The following LAMB3 variants were observed in gnomAD, a reference collection of about 807,000 sequenced individuals.
LAMB3 encodes the protein laminin subunit beta 3.
In LAMB3, 104 loss-of-function variants were observed where a neutral mutation model predicts 140.3. The observed-to-expected ratio is 0.74, with a 90% CI of 0.63 to 0.87. LAMB3 has a LOEUF of 0.87. LAMB3 is among the 40% of genes least tolerant of loss of function. The probability of loss-of-function intolerance (pLI) is 0.00; values close to 1 mark genes in which losing one functional copy is unlikely to be tolerated. For synonymous variants in LAMB3, 592 were observed against 602.9 expected (o/e 0.98, Z 0.26); for missense variants, 1,531 against 1,575.2 (o/e 0.97, Z 0.47).
At chr1:209,647,244 G>A (rs2076526187) in intron 3 of LAMB3, among the ~76,000 whole-genome samples, 1 of 152,248 alleles carries the variant, frequency 6.6e-6, no homozygotes. Context: ...AGAATTGGGT[G>A]GAGGAGGTAA....
At chr1:209,636,416 T>G (rs1433954221) in intron 5 of LAMB3, among the ~76,000 whole-genome samples, 2 of 152,142 alleles carry the variant, frequency 1.3e-5, no homozygotes, top group Admixed American at 6.5e-5. Flanking sequence ...TGGTTGAGAC[T>G]CAGTAAACCA....
chr1:209,650,823 G>A, intron 2 of LAMB3, 94 bp downstream of exon 2: 1 of 1,177,624 alleles, frequency 8.5e-7, no homozygotes. Context: ...CAGGTGACAG[G>A]TGATGCCCAC....
At chr1:209,630,077 A>G in intron 9 of LAMB3, 152 bp from the exon 10 acceptor site, 2 of 739,740 alleles carry the variant, frequency 2.7e-6, no homozygotes, top group Non-Finnish European at 4.7e-6. Context: ...GGTTTGTATA[A>G]CTTATTTAAG....
chr1:209,623,674 T>A lies in LAMB3; in HGVS notation c.2189A>T (p.Gln730Leu), dbSNP rs1214804457. ...TAYEQSAQAA[Q>L]QVSDSSRLLD... ...AAGGCGCGAGCTGTCGGAGACCTGCTGAGCAGCCTGGGCTGACTGCTCGTA... is the reference window on the plus strand; with the variant it reads ...AAGGCGCGAGCTGTCGGAGACCTGCAGAGCAGCCTGGGCTGACTGCTCGTA... Residue 730 changes from glutamine (Q) to leucine (L), a missense_variant, in exon 16 of 23, where the codon CAG (glutamine) becomes CTG (leucine). Gln to Leu is a moderately radical substitution (Grantham distance 113, BLOSUM62 -2). Transcript: ENST00000356082. This position sits in a 1 kb window ranked among gnomAD's most constrained non-coding sequence, Gnocchi z 4.2. The A allele has an allele frequency of 6.2e-7, 1 of 1,614,184 alleles. No homozygotes were observed. The highest frequency in any genetic ancestry group is 8.5e-7 in the Non-Finnish European group (1 of 1,180,026).
intron 8 of LAMB3, 28 bp downstream of exon 8, chr1:209,632,555 C>G (rs755231461): frequency 6.2e-7 from 1 of 1,602,872 alleles, no homozygotes; most frequent in South Asian, 1.1e-5. Context: ...TGCCCCCTTC[C>G]TCTCCCCTTC....
chr1:209,618,386 C>T (rs576076380), intron 19 of LAMB3, 66 bp downstream of exon 19: 134 of 1,505,782 alleles, frequency 8.9e-5, no homozygotes, highest in Middle Eastern at 6.8e-4. Context: ...CTCCCAGCAA[C>T]GGGGTTGAGG....
chr1:209,632,669 G>C lies in LAMB3; in HGVS notation c.736C>G (p.Leu246Val). Reference sequence around the variant, plus strand: ...CCGTGACAGAAGCAGCTCCCCTGCAGACGGAGCTGGGACACAGCATAGTAG... The same window carrying C: ...CCGTGACAGAAGCAGCTCCCCTGCACACGGAGCTGGGACACAGCATAGTAG... ...SAYYAVSQLR[L>V]QGSCFCHGHA... is the part of the protein sequence containing the mutation. The change falls in exon 8 of 23, where the codon CTG becomes GTG. Residue 246 changes from leucine (L) to valine (V), a missense_variant. Physicochemically the swap from Leu to Val is conservative, Grantham distance 32 (BLOSUM62 1). Coordinates refer to ENST00000356082, the MANE Select transcript of LAMB3 (RefSeq NM_000228.3). 1.2e-6 allele frequency: 2 copies of C among 1,614,134 alleles called. No individual in the cohort carries two copies. Among genetic ancestry groups the C allele is most frequent in the Non-Finnish European group, 1.7e-6 (2 of 1,179,944 alleles).
intron 19 of LAMB3, 77 bp from the exon 20 acceptor site, chr1:209,618,125 C>T: frequency 6.4e-7 from 1 of 1,563,828 alleles, no homozygotes; most frequent in Non-Finnish European, 8.8e-7. Flanking sequence ...GACTCACACA[C>T]CAGTCCAAAA....
intron 3 of LAMB3, 50 bp downstream of exon 3, chr1:209,649,914 A>G: frequency 1.2e-6 from 2 of 1,602,290 alleles, no homozygotes; most frequent in Non-Finnish European, 1.7e-6. Context: ...ATGGCAGCTC[A>G]CACACCCCTC....
chr1:209,651,053 G>C (rs2076562674), intron 1 of LAMB3, 72 bp from the exon 2 acceptor site: 5 of 995,312 alleles, frequency 5.0e-6, no homozygotes, highest in Non-Finnish European at 8.1e-6. Flanking sequence ...TTTCTTTTCT[G>C]TTTCTAGACT....
Position 209,630,527 on chromosome 1 carries a change from C to T in LAMB3, c.943+88G>A, listed in dbSNP as rs762178531. 4 of 1,413,396 alleles carry T rather than the reference C, an allele frequency of 2.8e-6. No individual in the cohort carries two copies. The Admixed American group carries it at 7.0e-5, about 25-fold the overall frequency. The allele number at this position is 1,413,396 out of a possible 1,614,324, so 87.6% of individuals were successfully genotyped here. A position where few individuals can be genotyped will look rare whatever the true frequency, so the allele number is the denominator to read the frequency against. ...GATTTACATAAGAAAGACTGGATCCCCCTGCATCCCAGGTGAGATCATCAA... is the reference window on the plus strand; with the variant it reads ...GATTTACATAAGAAAGACTGGATCCTCCTGCATCCCAGGTGAGATCATCAA... On this transcript the variant is annotated intron_variant, in intron 9 of 22. Transcript: ENST00000356082.
chr1:209,633,173 A>C, intron 6 of LAMB3, 40 bp from the exon 7 acceptor site: 2 of 1,443,896 alleles, frequency 1.4e-6, no homozygotes, highest in Non-Finnish European at 2.0e-6. Flanking sequence ...AAGAAGAGAC[A>C]AATAGTGTGC....
rs532175937 is a variant in LAMB3, at chr1:209,648,005, TA to T, written c.183+1958del. ...AATTAAAACCTGAATTTCTAATTCTTATCATGCAGCCACCAGAGCACCCAGA... is the reference window on the plus strand; with the variant it reads ...AATTAAAACCTGAATTTCTAATTCTTTCATGCAGCCACCAGAGCACCCAGA... On this transcript the variant is annotated intron_variant, in intron 3 of 22. Transcript: ENST00000356082. Among the ~76,000 whole-genome samples, 620 of 152,340 alleles carry T rather than the reference TA, an allele frequency of 4.1e-3. 6 individuals carry two copies. Among genetic ancestry groups the T allele is most frequent in the African/African-American group, 0.014 (582 of 41,578 alleles).
chr1:209,628,054 G>A lies in LAMB3; in HGVS notation c.1269C>T (p.Ala423=). The change falls in exon 11 of 23, where the codon GCC becomes GCT. Residue 423 remains alanine (A), a synonymous_variant. Transcript: ENST00000356082. ...ACTCACGGTGGCAGCCCTGCGGGTTGGCGTAGGTGAGTCCAGTGAAGCCCG... is the reference window on the plus strand; with the variant it reads ...ACTCACGGTGGCAGCCCTGCGGGTTAGCGTAGGTGAGTCCAGTGAAGCCCG... ...CKPGFTGLTY[A]NPQGCHRCDC... is the part of the protein sequence containing the mutation. 6.2e-7 allele frequency: 1 copy of A among 1,606,508 alleles called. No homozygotes were observed. The highest frequency in any genetic ancestry group is 8.5e-7 in the Non-Finnish European group (1 of 1,176,358).
chr1:209,635,548 GCA>G (rs796326161), intron 5 of LAMB3, among the ~76,000 whole-genome samples: 9 of 152,154 alleles, frequency 5.9e-5, no homozygotes, highest in African/African-American at 2.2e-4. Context: ...AATTACAGGC[GCA>G]CACCACCATG....
intron 3 of LAMB3, among the ~76,000 whole-genome samples, chr1:209,638,855 C>T (rs1374355073): frequency 1.3e-5 from 2 of 152,028 alleles, no homozygotes; most frequent in Non-Finnish European, 2.9e-5. Flanking sequence ...TGGTGCCCCT[C>T]CTAACACATA....
Position 209,622,533 on chromosome 1 carries a change from C to T in LAMB3, c.2701+3G>A, listed in dbSNP as rs773199309. ...GCCAAGGTGGGGTGGAGACTGGGCT[C>T]ACCTGTTAGGAAGTCCCGGACCTGC... On this transcript the variant is annotated splice_donor_region_variant and intron_variant, in intron 18 of 22. Transcript: ENST00000356082. 3 of 1,613,696 alleles carry T rather than the reference C, an allele frequency of 1.9e-6. No individual in the cohort carries two copies. The highest frequency in any genetic ancestry group is 2.2e-5 in the East Asian group (1 of 44,860).
Position 209,618,499 on chromosome 1 carries a change from C to G in LAMB3, c.2862G>C (p.Gln954His). ...GCAACCGGCGGGCACGCGCAATGTC[C>G]TGCTTGGTCTGGGACAGCACCAAGT... ...NVDLVLSQTK[Q>H]DIARARRLQA... Residue 954 changes from glutamine (Q) to histidine (H), a missense_variant, in exon 19 of 23, where the codon CAG (glutamine) becomes CAC (histidine). Gln to His is a conservative substitution (Grantham distance 24). Coordinates refer to ENST00000356082, the MANE Select transcript of LAMB3 (RefSeq NM_000228.3). 1.2e-6 allele frequency: 2 copies of G among 1,614,254 alleles called. No individual in the cohort carries two copies. Among genetic ancestry groups the G allele is most frequent in the South Asian group, 1.1e-5 (1 of 91,090 alleles).
chr1:209,634,764 C>T (rs1218581686), intron 5 of LAMB3, 126 bp from the exon 6 acceptor site: 18 of 746,296 alleles, frequency 2.4e-5, no homozygotes, highest in Non-Finnish European at 3.8e-5. Flanking sequence ...CAAGTGGGCT[C>T]GGAGCATCCG....
Sources: gnomAD v4.1 joint callset for allele counts (sites outside exome capture counted in the v4.1 genomes callset) on GRCh38, gnomAD v4.1.1 for gene constraint, Gnocchi (gnomAD v3.1) non-coding constraint, MANE v1.5 for transcripts, NCBI Gene and HGNC (gene_info 2026-07-23, HGNC 2026-07-21) for gene names.